Variants in TNS1 observed in about 807,000 individuals in gnomAD.
TNS1 encodes tensin-1.
TNS1 carries 62 observed loss-of-function variants against 168.6 expected under a neutral mutation model. The ratio of observed to expected loss-of-function variants is 0.37; its 90% CI spans 0.30 to 0.45. TNS1 has a LOEUF of 0.45. Ranked by LOEUF, TNS1 falls within the 20% of genes least tolerant of loss-of-function variation. The probability of loss-of-function intolerance (pLI) is 1.00; values close to 1 mark genes in which losing one functional copy is unlikely to be tolerated. For synonymous variants in TNS1, 934 were observed against 933.2 expected, an observed-to-expected ratio of 1.00 and a Z score of -0.02; for missense variants, 2,240 against 2,339.4, an observed-to-expected ratio of 0.96 and a Z score of 0.88.
At chr2:217,835,305 G>T in intron 20 of TNS1, 139 bp from the exon 21 acceptor site, 1 of 745,620 alleles carries the variant, frequency 1.3e-6, no homozygotes, top group Non-Finnish European at 2.1e-6. Context: ...CTGGTGCTCA[G>T]GGCAGGAGAC....
At chr2:217,822,228 T>C (rs1942980907) in intron 22 of TNS1, among the ~76,000 whole-genome samples, 1 of 152,142 alleles carries the variant, frequency 6.6e-6, no homozygotes, top group Non-Finnish European at 1.5e-5. Context: ...TGTCCATAGC[T>C]GGCACCCCCT....
At chr2:217,897,720 G>A (rs750327627) in intron 8 of TNS1, 78 bp downstream of exon 8, 1 of 1,419,674 alleles carries the variant, frequency 7.0e-7, no homozygotes, top group East Asian at 2.6e-5. Context: ...TGGTGGCAGG[G>A]ATACCAGTCA....
Position 217,810,192 on chromosome 2 carries a change from G to A in TNS1, c.5104+56C>T, listed in dbSNP as rs1280403436. 1.9e-6 allele frequency: 3 copies of A among 1,591,518 alleles called. No individual in the cohort carries two copies. The African/African-American group carries it at 4.0e-5, about 21-fold the overall frequency. ...GCCTGCACGTGCAGGAGGGGTCAGGGCAGGAAGGCAGAAAGAGAGGCCTGG... is the reference window on the plus strand; with the variant it reads ...GCCTGCACGTGCAGGAGGGGTCAGGACAGGAAGGCAGAAAGAGAGGCCTGG... On this transcript the variant is annotated intron_variant, in intron 29 of 32. Transcript: ENST00000682258.
chr2:217,924,381 A>G (rs115642846), intron 3 of TNS1, among the ~76,000 whole-genome samples: 7 of 151,964 alleles, frequency 4.6e-5, no homozygotes, highest in Non-Finnish European at 7.4e-5. Context: ...GCCTTCACAG[A>G]CCTTATTACA....
upstream of TNS1, among the ~76,000 whole-genome samples, chr2:218,013,262 A>C (rs1447427976): frequency 6.6e-6 from 1 of 151,970 alleles, no homozygotes; most frequent in African/African-American, 2.4e-5. Flanking sequence ...TCTCAAAAAA[A>C]AAAAAAAGAA....
At chr2:217,896,228 C>G (rs1952278926) in intron 8 of TNS1, among the ~76,000 whole-genome samples, 1 of 152,210 alleles carries the variant, frequency 6.6e-6, no homozygotes, top group Non-Finnish European at 1.5e-5. Flanking sequence ...AAGCCAAGCT[C>G]TTAACAATGC....
At chr2:217,963,016 T>C (rs1016975976) in intron 3 of TNS1, among the ~76,000 whole-genome samples, 8 of 152,236 alleles carry the variant, frequency 5.3e-5, no homozygotes, top group African/African-American at 1.9e-4. Flanking sequence ...GGAAACTCTG[T>C]ACTATTTTTG....
At chr2:217,978,687 G>T in intron 3 of TNS1, 78 bp downstream of exon 3, 1 of 673,374 alleles carries the variant, frequency 1.5e-6, no homozygotes, top group Non-Finnish European at 2.7e-6. Flanking sequence ...CGCCCCGCCG[G>T]CGCCCCCGCT....
chr2:218,002,814 G>T (rs781417379), intron 1 of TNS1, 26 bp downstream of exon 1: 1 of 456,638 alleles, frequency 2.2e-6, no homozygotes, highest in East Asian at 7.0e-5. Flanking sequence ...GAAGAGTAAC[G>T]TCGCAGCTAA....
At chr2:217,966,240 GC>G (rs1957625272) in intron 3 of TNS1, among the ~76,000 whole-genome samples, 1 of 151,046 alleles carries the variant, frequency 6.6e-6, no homozygotes, top group East Asian at 2.0e-4. Flanking sequence ...CCCCAGCCTT[GC>G]CCCTCCCTGC....
At chr2:217,809,608 GATGGGTGCATGGATGGGTGC>G in intron 30 of TNS1, 195 bp downstream of exon 30, 1 of 473,372 alleles carries the variant, frequency 2.1e-6, no homozygotes, top group Non-Finnish European at 3.8e-6. Flanking sequence ...TGGATGGATG[GATGGGTGCATGGATGGGTGC>G]ATGGATGGGT....
chr2:217,847,695 G>A lies in TNS1; in HGVS notation c.2822C>T (p.Ser941Phe), dbSNP rs952453060. Reference sequence around the variant, plus strand: ...CGGAAGGAAGGCAGGCAAGGAGGAAGAGGCTGGGCTCTTTGAATGGAAATC... The same window carrying A: ...CGGAAGGAAGGCAGGCAAGGAGGAAAAGGCTGGGCTCTTTGAATGGAAATC... Reference protein sequence around the residue: ...NQDFHSKSPASSSLPAFLPTT... With the variant: ...NQDFHSKSPAFSSLPAFLPTT... The change falls in exon 19 of 33, where the codon TCT becomes TTT. Residue 941 changes from serine (S) to phenylalanine (F), a missense_variant. Physicochemically the swap from Ser to Phe is radical, Grantham distance 155. This residue lies in a region of TNS1 where 2,131 missense variants were observed against 2,171.2 expected (regional missense o/e 0.98). Transcript: ENST00000682258. 2 of 1,602,632 alleles carry A rather than the reference G, an allele frequency of 1.2e-6. No individual in the cohort carries two copies. The highest frequency in any genetic ancestry group is 1.7e-6 in the Non-Finnish European group (2 of 1,170,540).
At chr2:217,960,614 C>T (rs959120715) in intron 3 of TNS1, among the ~76,000 whole-genome samples, 3 of 152,146 alleles carry the variant, frequency 2.0e-5, no homozygotes, top group Non-Finnish European at 2.9e-5. Flanking sequence ...AGCTTCTGAT[C>T]CACACCTCCA....
intron 2 of TNS1, among the ~76,000 whole-genome samples, chr2:217,987,842 C>T (rs953662994): frequency 1.3e-5 from 2 of 152,184 alleles, no homozygotes; most frequent in African/African-American, 4.8e-5. Context: ...CAGGGAAAAA[C>T]CCATACAACC....
rs544170828 is a variant in TNS1 at position 217,819,280 on chromosome 2, C to T, written c.3573-521G>A. Among the ~76,000 whole-genome samples, 132 of 152,198 alleles carry T rather than the reference C, an allele frequency of 8.7e-4. 1 individual carries two copies. The South Asian group carries it at 0.021, about 24-fold the overall frequency. Reference sequence around the variant, plus strand: ...TCACTCCTAGATGGCTCCAAAAAAGCAAAGACAAGGAATCACAGGGGAAGG... The same window carrying T: ...TCACTCCTAGATGGCTCCAAAAAAGTAAAGACAAGGAATCACAGGGGAAGG... On this transcript the variant is annotated intron_variant, in intron 23 of 32. Transcript: ENST00000682258.
chr2:217,903,474 T>G, intron 6 of TNS1: 1 of 1,276,564 alleles, frequency 7.8e-7, no homozygotes, highest in Non-Finnish European at 1.1e-6. Flanking sequence ...TCTTTTCCTC[T>G]CCGGGGATCA....
At chr2:217,862,510 G>A (rs1477850844) in intron 18 of TNS1, among the ~76,000 whole-genome samples, 1 of 152,170 alleles carries the variant, frequency 6.6e-6, no homozygotes, top group African/African-American at 2.4e-5. Context: ...AACTTCTCAG[G>A]TGCCAAGGAT....
At chr2:217,884,767 C>T (rs1951033651) in intron 16 of TNS1, among the ~76,000 whole-genome samples, 1 of 152,130 alleles carries the variant, frequency 6.6e-6, no homozygotes, top group South Asian at 2.1e-4. Flanking sequence ...GAAGGAGAGA[C>T]AGGGAAAGTC....
chr2:217,890,934 C>A, intron 12 of TNS1, 28 bp downstream of exon 12: 1 of 1,602,168 alleles, frequency 6.2e-7, no homozygotes, highest in Non-Finnish European at 8.6e-7. Flanking sequence ...CACATACATG[C>A]AAGGGGCTGT....
Sources: allele counts gnomAD v4.1 joint callset (sites outside exome capture counted in the v4.1 genomes callset), GRCh38; gene constraint gnomAD v4.1.1; regional missense constraint gnomAD v4.1.1; transcripts MANE v1.5; gene names NCBI Gene and HGNC (gene_info 2026-07-23, HGNC 2026-07-21).